Variants in ATP5PD observed in about 807,000 individuals in gnomAD.
ATP5PD encodes the protein ATP synthase peripheral stalk subunit d.
In ATP5PD, 13 loss-of-function variants were observed where a neutral mutation model predicts 22.6. That is an observed-to-expected ratio of 0.58 (90% CI 0.37 to 0.91). ATP5PD has a LOEUF of 0.91. Among genes scored for constraint, ATP5PD ranks in the 40% least tolerant of loss-of-function variants. The pLI is 0.00. For missense variants in ATP5PD, 165 were observed against 188.0 expected (o/e 0.88, Z 0.72); for synonymous variants, 51 against 65.0 (o/e 0.79, Z 1.03).
chr17:75,044,291 C>T lies in ATP5PD; in HGVS notation c.-9-1632G>A, dbSNP rs578240196. On this transcript the variant is annotated intron_variant, in intron 1 of 5. Transcript: ENST00000301587. ...CGCAATCTCGGCTCACTGCAAACTC[C>T]GCTTCCCGGGTTCACGCCATTCTCC... Among the ~76,000 whole-genome samples the T allele has an allele frequency of 7.9e-5, 9 of 114,548 alleles. 3 individuals carry two copies. In the East Asian group the frequency reaches 2.3e-3, roughly 29 times the overall value. 75.1% of individuals were successfully genotyped at this position (114,548 alleles called of 152,430 possible).
Position 75,039,234 on chromosome 17 carries a change from G to A in ATP5PD, c.329C>T (p.Ala110Val). 1 of 1,614,116 alleles carries A rather than the reference G, an allele frequency of 6.2e-7. No homozygotes were observed. Among genetic ancestry groups the A allele is most frequent in the South Asian group, 1.1e-5 (1 of 91,076 alleles). ...SCAEWVSLSK[A>V]RIVEYEKEME... The stretch of plus-strand genomic sequence containing the variant: ...CTCTTTCTCATATTCTACAATCCTG[G>A]CCTTTGAGAGAGACACCCACTCAGC... Residue 110 changes from alanine (A) to valine (V), a missense_variant, in exon 5 of 6, where the codon GCC becomes GTC. Coordinates refer to ENST00000301587, the MANE Select transcript of ATP5PD (RefSeq NM_006356.3).
intron 2 of ATP5PD, 106 bp from the exon 3 acceptor site, chr17:75,042,383 T>C: frequency 6.6e-7 from 1 of 1,504,214 alleles, no homozygotes; most frequent in Non-Finnish European, 9.1e-7. Flanking sequence ...TCACCACACT[T>C]TCCTCTCCTA....
chr17:75,046,932 G>T lies in ATP5PD; in HGVS notation c.-17C>A, dbSNP rs752429600. 2.4e-4 allele frequency: 38 copies of T among 159,098 alleles called. No homozygotes were observed. Among genetic ancestry groups the T allele is most frequent in the Non-Finnish European group, 4.4e-4 (32 of 72,694 alleles). The allele number at this position is 159,098 out of a possible 1,614,324, so 9.9% of individuals were successfully genotyped here. A position where few individuals can be genotyped will look rare whatever the true frequency, so the allele number is the denominator to read the frequency against. Reference sequence around the variant, plus strand: ...GCCCCAAGCCCCACTCACCTTCACCGACCCTGGCTGCCCACGGTCCTCCGC... The same window carrying T: ...GCCCCAAGCCCCACTCACCTTCACCTACCCTGGCTGCCCACGGTCCTCCGC... On this transcript the variant is annotated 5_prime_UTR_variant, in exon 1 of 6. Coordinates refer to ENST00000301587, the MANE Select transcript of ATP5PD (RefSeq NM_006356.3).
intron 1 of ATP5PD, among the ~76,000 whole-genome samples, chr17:75,046,081 CTT>C (rs1406556559): frequency 2.0e-5 from 3 of 152,168 alleles, no homozygotes; most frequent in African/African-American, 4.8e-5. Context: ...TCACAAATAA[CTT>C]TGTGTGTGTG....
chr17:75,042,066 T>C, intron 3 of ATP5PD, 115 bp downstream of exon 3: 2 of 908,334 alleles, frequency 2.2e-6, no homozygotes, highest in South Asian at 3.4e-5. Context: ...ATACGCATCC[T>C]TCCTAAGCTT....
chr17:75,043,491 T>G (rs1177712053), intron 1 of ATP5PD, among the ~76,000 whole-genome samples: 1 of 151,840 alleles, frequency 6.6e-6, no homozygotes, highest in South Asian at 2.1e-4. Flanking sequence ...CATGCACCTG[T>G]AGTCCCAGGT....
rs2073205020 is a variant in ATP5PD, at chr17:75,045,491, C to T, written c.-10+1434G>A. ...CCCCTGCAGTCTCAACCATAAGAGA[C>T]AGGTACGCCCCAGGGGGGCCAGTTC... On this transcript the variant is annotated intron_variant, in intron 1 of 5. Transcript: ENST00000301587. Among the ~76,000 whole-genome samples, 3 of 152,222 alleles carry T rather than the reference C, an allele frequency of 2.0e-5. No homozygotes were observed. In the South Asian group the frequency reaches 6.2e-4, roughly 32 times the overall value.
At chr17:75,044,709 T>TA (rs962873090) in intron 1 of ATP5PD, among the ~76,000 whole-genome samples, 22 of 151,444 alleles carry the variant, frequency 1.5e-4, no homozygotes, top group East Asian at 1.4e-3. Flanking sequence ...TACAGCCACT[T>TA]AAAAAAAAAG....
intron 1 of ATP5PD, among the ~76,000 whole-genome samples, chr17:75,046,216 G>A (rs964556439): frequency 2.0e-5 from 3 of 152,102 alleles, no homozygotes; most frequent in Non-Finnish European, 4.4e-5. Context: ...CCGAGCAGCT[G>A]GGATTATAGG....
chr17:75,042,079 T>G, intron 3 of ATP5PD, 102 bp downstream of exon 3: 1 of 1,036,456 alleles, frequency 9.6e-7, no homozygotes, highest in Non-Finnish European at 1.4e-6. Flanking sequence ...CTAAGCTTCC[T>G]TAGGGATCTG....
intron 1 of ATP5PD, among the ~76,000 whole-genome samples, chr17:75,043,147 G>A (rs2073177665): frequency 6.6e-6 from 1 of 152,240 alleles, no homozygotes; most frequent in Non-Finnish European, 1.5e-5. Context: ...CTTGAACCCA[G>A]GAGGCAGAGG....
At chr17:75,042,154 C>T in intron 3 of ATP5PD, 27 bp downstream of exon 3, 2 of 1,592,052 alleles carry the variant, frequency 1.3e-6, no homozygotes, top group Non-Finnish European at 1.7e-6. Context: ...GTTACAAGCT[C>T]AGTGCTTTAG....
chr17:75,044,298 C>A (rs540922382), intron 1 of ATP5PD, among the ~76,000 whole-genome samples: 1 of 113,994 alleles, frequency 8.8e-6, no homozygotes, highest in Non-Finnish European at 1.6e-5. Flanking sequence ...CTCCGCTTCC[C>A]GGGTTCACGC....
chr17:75,045,685 T>C (rs961956899), intron 1 of ATP5PD, among the ~76,000 whole-genome samples: 7 of 152,238 alleles, frequency 4.6e-5, no homozygotes, highest in Non-Finnish European at 7.3e-5. Flanking sequence ...CCCTGAACAA[T>C]TGCTGTTATC....
At chr17:75,042,902 G>A (rs1220165905) in intron 1 of ATP5PD, among the ~76,000 whole-genome samples, 1 of 152,090 alleles carries the variant, frequency 6.6e-6, no homozygotes, top group Non-Finnish European at 1.5e-5. Context: ...AAAAAAGACA[G>A]TGTAGCTTTT....
At chr17:75,039,995 ACTCTT>A in intron 4 of ATP5PD, 92 bp downstream of exon 4, 1 of 1,290,156 alleles carries the variant, frequency 7.8e-7, no homozygotes, top group Non-Finnish European at 1.1e-6. Flanking sequence ...ATGGCTGTTA[ACTCTT>A]CCATTTAATT....
intron 3 of ATP5PD, chr17:75,040,567 C>T (rs1051117526): frequency 9.4e-6 from 2 of 211,894 alleles, no homozygotes; most frequent in South Asian, 1.4e-4. Context: ...AGGAGCACTG[C>T]GTAATGAATG....
At chr17:75,046,049 C>A (rs1165274156) in intron 1 of ATP5PD, among the ~76,000 whole-genome samples, 1 of 152,234 alleles carries the variant, frequency 6.6e-6, no homozygotes, top group African/African-American at 2.4e-5. Flanking sequence ...TGATTTCCCG[C>A]AACATCAGTG....
At chr17:75,044,398 G>A (rs2073191722) in intron 1 of ATP5PD, among the ~76,000 whole-genome samples, 1 of 114,238 alleles carries the variant, frequency 8.8e-6, no homozygotes, top group Non-Finnish European at 1.6e-5. Context: ...GTAGAGACGG[G>A]GTTTCACCTT....
Sources: gnomAD v4.1 joint callset for allele counts (sites outside exome capture counted in the v4.1 genomes callset) on GRCh38, gnomAD v4.1.1 for gene constraint, MANE v1.5 for transcripts, NCBI Gene and HGNC (gene_info 2026-07-23, HGNC 2026-07-21) for gene names.